XYLB: variants seen among roughly 807,000 people sequenced by gnomAD.
XYLB encodes xylulose kinase.
XYLB carries 62 observed loss-of-function variants against 78.7 expected under a neutral mutation model. The ratio of observed to expected loss-of-function variants is 0.79; its 90% CI spans 0.64 to 0.97. XYLB has a LOEUF of 0.97. XYLB is among the 50% of genes least tolerant of loss of function. The pLI, the probability that XYLB is intolerant of heterozygous loss-of-function variation, is 0.00. For synonymous variants in XYLB, 245 were observed against 247.4 expected (o/e 0.99, Z 0.09); for missense variants, 687 against 676.8 (o/e 1.02, Z -0.17).
intron 15 of XYLB, among the ~76,000 whole-genome samples, chr3:38,394,241 A>G (rs1304047375): frequency 6.6e-6 from 1 of 152,160 alleles, no homozygotes; most frequent in Non-Finnish European, 1.5e-5. Context: ...AGACTTTTGA[A>G]TTCTTTGTTA....
chr3:38,420,581 C>T (rs1341812679), exon 18 of XYLB, among the ~76,000 whole-genome samples: 1 of 152,198 alleles, frequency 6.6e-6, no homozygotes, highest in Non-Finnish European at 1.5e-5. Context: ...TGATTGAATT[C>T]ACCAGTGAAA....
At chr3:38,395,080 G>T (rs916473659) in intron 15 of XYLB, among the ~76,000 whole-genome samples, 2 of 152,186 alleles carry the variant, frequency 1.3e-5, no homozygotes, top group African/African-American at 4.8e-5. Flanking sequence ...TGTGAGGGGG[G>T]ACTACTTGAA....
At chr3:38,434,019 T>C in the XYLB span, among the ~76,000 whole-genome samples, 3 of 152,134 alleles carry the variant, frequency 2.0e-5, no homozygotes, top group Non-Finnish European at 4.4e-5. Flanking sequence ...ACAATCATGA[T>C]AGAAGACACC....
intron 8 of XYLB, 46 bp from the exon 9 acceptor site, chr3:38,370,010 G>C (rs780360196): frequency 3.1e-5 from 48 of 1,533,884 alleles, no homozygotes; most frequent in Non-Finnish European, 3.8e-5. Context: ...TTTCACAAAA[G>C]GTCCATTTTC....
chr3:38,442,936 AG>A, the XYLB span, among the ~76,000 whole-genome samples: 1 of 152,130 alleles, frequency 6.6e-6, no homozygotes, highest in Non-Finnish European at 1.5e-5. Context: ...CTCCTTAAGC[AG>A]GGGACAACAA....
chr3:38,430,948 G>A, the XYLB span, among the ~76,000 whole-genome samples: 2 of 152,116 alleles, frequency 1.3e-5, no homozygotes, highest in Admixed American at 1.3e-4. Flanking sequence ...TCCTGTTTTG[G>A]CTACTGTAGC....
chr3:38,411,646 T>TA (rs1708592543), intron 18 of XYLB, among the ~76,000 whole-genome samples: 4 of 149,096 alleles, frequency 2.7e-5, no homozygotes, highest in Non-Finnish European at 4.4e-5. Flanking sequence ...GATAAAGGAT[T>TA]TAAAAAAAAA....
intron 15 of XYLB, among the ~76,000 whole-genome samples, chr3:38,386,132 G>T (rs1032810112): frequency 6.6e-6 from 1 of 152,016 alleles, no homozygotes; most frequent in Non-Finnish European, 1.5e-5. Flanking sequence ...TATCCTAACA[G>T]TGACAAAGTT....
In XYLB at chr3:38,378,630, C is replaced by A. The variant is rs917546581; in HGVS notation, c.1195-616C>A. ...AGGATAGACTTTCAGGCAGAGGGAG[C>A]AGCTTGGGAACTAGAAGAAGGTCAG... On this transcript the variant is annotated intron_variant, in intron 14 of 18. Transcript: ENST00000207870. Among the ~76,000 whole-genome samples the A allele has an allele frequency of 4.0e-5, 6 of 151,870 alleles. No individual in the cohort carries two copies. In the East Asian group the frequency reaches 9.7e-4, roughly 24 times the overall value.
At chr3:38,348,759 C>T (rs1190257947) in intron 2 of XYLB, 127 bp downstream of exon 2, 2 of 763,504 alleles carry the variant, frequency 2.6e-6, no homozygotes, top group East Asian at 5.2e-5. Context: ...CTCGGCAGAC[C>T]TTTCAAGCAT....
At chr3:38,384,771 T>G (rs1408084035) in intron 15 of XYLB, among the ~76,000 whole-genome samples, 2 of 152,118 alleles carry the variant, frequency 1.3e-5, no homozygotes, top group Non-Finnish European at 2.9e-5. Flanking sequence ...ATTGAAGAAG[T>G]TTTGATTTAC....
chr3:38,372,006 G>A (rs545264143), intron 9 of XYLB, among the ~76,000 whole-genome samples: 3 of 152,332 alleles, frequency 2.0e-5, no homozygotes, highest in Admixed American at 2.0e-4. Context: ...CCTCCAAGAA[G>A]GAGCCTGTGC....
chr3:38,375,235 C>T lies in XYLB; in HGVS notation c.980C>T (p.Ser327Phe), dbSNP rs1198659331. ...CACATCTTCTGCAACCCGGTTGACT[C>T]CCAGCACTACATGGCACTCCTGTGG... ...EGHIFCNPVD[S>F]QHYMALLCFK... The change falls in exon 12 of 19, where the codon TCC becomes TTC. Residue 327 changes from serine to phenylalanine, a missense_variant. By Grantham distance (155) the Ser-to-Phe change is radical. Transcript: ENST00000207870. 1.2e-6 allele frequency: 2 copies of T among 1,614,182 alleles called. No individual in the cohort carries two copies. Among genetic ancestry groups the T allele is most frequent in the Non-Finnish European group, 1.7e-6 (2 of 1,180,034 alleles).
At chr3:38,347,247 C>T (rs1402433497) in intron 1 of XYLB, among the ~76,000 whole-genome samples, 1 of 152,224 alleles carries the variant, frequency 6.6e-6, no homozygotes, top group African/African-American at 2.4e-5. Flanking sequence ...CGGGTTCCTG[C>T]GCTGTTCTGG....
At chr3:38,371,414 T>TACC (rs1559588291) in intron 9 of XYLB, among the ~76,000 whole-genome samples, 1 of 152,080 alleles carries the variant, frequency 6.6e-6, no homozygotes, top group Non-Finnish European at 1.5e-5. Context: ...GCTGGGACTA[T>TACC]AGGTGCCCGC....
chr3:38,349,498 A>G (rs78338948), intron 2 of XYLB, among the ~76,000 whole-genome samples: 4,779 of 152,290 alleles, frequency 0.031, 123 homozygotes, highest in African/African-American at 0.061. Context: ...CTGGTCATTC[A>G]GGTATGAAAT....
At chr3:38,355,995 A>G in intron 2 of XYLB, 1 of 540,488 alleles carries the variant, frequency 1.9e-6, no homozygotes, top group Admixed American at 3.1e-5. Flanking sequence ...TCACGCCTGT[A>G]ATCCCAGCAC....
the XYLB span, among the ~76,000 whole-genome samples, chr3:38,444,814 C>T: frequency 2.6e-5 from 4 of 151,316 alleles, no homozygotes; most frequent in Admixed American, 2.0e-4. Flanking sequence ...CCACCCCTGG[C>T]CTGCCCAAGA....
At chr3:38,427,620 A>T in the XYLB span, among the ~76,000 whole-genome samples, 8 of 151,758 alleles carry the variant, frequency 5.3e-5, no homozygotes, top group Non-Finnish European at 8.8e-5. Context: ...TTGAGACAGA[A>T]TCTCATTCTG....
Sources: gnomAD v4.1 joint callset for allele counts (sites outside exome capture counted in the v4.1 genomes callset) on GRCh38, gnomAD v4.1.1 for gene constraint, MANE v1.5 for transcripts, NCBI Gene and HGNC (gene_info 2026-07-23, HGNC 2026-07-21) for gene names.